WT1: variants seen among roughly 807,000 people sequenced by gnomAD.
WT1 encodes WT1 transcription factor.
WT1 carries 8 observed loss-of-function variants against 60.8 expected under a neutral mutation model. The ratio of observed to expected loss-of-function variants is 0.13; its 90% CI spans 0.08 to 0.24. The LOEUF (loss-of-function observed/expected upper bound fraction) is 0.24. WT1 is among the 10% of genes least tolerant of loss of function. The pLI is 1.00. For missense variants in WT1, 568 were observed against 711.8 expected (o/e 0.80, Z 2.30); for synonymous variants, 312 against 297.1 (o/e 1.05, Z -0.52).
intron 3 of WT1, among the ~76,000 whole-genome samples, chr11:32,418,586 A>T (rs886744892): frequency 6.6e-6 from 1 of 152,222 alleles, no homozygotes; most frequent in Admixed American, 6.5e-5. Flanking sequence ...ATGAAAAAAG[A>T]TAAGAGGCAT....
At chr11:32,412,592 C>T (rs1185945176) in intron 5 of WT1, among the ~76,000 whole-genome samples, 1 of 151,750 alleles carries the variant, frequency 6.6e-6, no homozygotes. Context: ...ATTGAGAACA[C>T]ACAGAAAATG....
chr11:32,429,144 A>G (rs1490314598), intron 1 of WT1: 2 of 250,110 alleles, frequency 8.0e-6, no homozygotes, highest in African/African-American at 4.4e-5. Context: ...AAGAGTAATT[A>G]CCGAGTAATG....
intron 6 of WT1, among the ~76,000 whole-genome samples, chr11:32,399,680 A>G (rs1852087078): frequency 6.6e-6 from 1 of 152,210 alleles, no homozygotes; most frequent in Non-Finnish European, 1.5e-5. Context: ...CGCCCTGGAG[A>G]AGTCAAATGG....
intron 5 of WT1, among the ~76,000 whole-genome samples, chr11:32,401,760 G>A (rs1317836742): frequency 7.2e-5 from 11 of 152,096 alleles, no homozygotes; most frequent in African/African-American, 1.9e-4. Flanking sequence ...GGCCAGTCTC[G>A]AACTCCTGGC....
chr11:32,430,927 AG>A, intron 1 of WT1: 1 of 999,136 alleles, frequency 1.0e-6, no homozygotes, highest in Non-Finnish European at 1.2e-6. Context: ...GTGCGGGGGC[AG>A]GGGCCAGGGG....
At chr11:32,417,464 G>C in intron 4 of WT1, 113 bp downstream of exon 4, 1 of 954,144 alleles carries the variant, frequency 1.0e-6, no homozygotes, top group Non-Finnish European at 1.7e-6. Flanking sequence ...GTCACAGAGA[G>C]CTTTGCCCTT....
At chr11:32,423,318 C>G (rs539476094) in intron 3 of WT1, among the ~76,000 whole-genome samples, 115 of 152,380 alleles carry the variant, frequency 7.5e-4, no homozygotes, top group African/African-American at 2.6e-3. Flanking sequence ...TTCACCCCAA[C>G]AGTTCACACC....
intron 1 of WT1, 200 bp from the exon 2 acceptor site, chr11:32,428,819 G>C (rs1044355135): frequency 6.6e-6 from 5 of 754,064 alleles, no homozygotes; most frequent in Admixed American, 2.2e-5. Context: ...CTTGGGACAG[G>C]CTTCTCCATC....
In WT1 at chr11:32,416,551, A is replaced by G; in HGVS notation, c.966-11T>C. 1 of 1,614,160 alleles carries G rather than the reference A, an allele frequency of 6.2e-7. No individual in the cohort carries two copies. Among genetic ancestry groups the G allele is most frequent in the Non-Finnish European group, 8.5e-7 (1 of 1,180,018 alleles). On this transcript the variant is annotated splice_polypyrimidine_tract_variant and intron_variant, in intron 4 of 9. Coordinates refer to ENST00000452863, the MANE Select transcript of WT1 (RefSeq NM_024426.6). ...CTCCCAGCAGCAACTCTAGAAAAGA[A>G]GAAGAGGTGGGGAGTGGGGAATGGA...
At chr11:32,429,453 T>C (rs927545552) in intron 1 of WT1, among the ~76,000 whole-genome samples, 1 of 111,382 alleles carries the variant, frequency 9.0e-6, no homozygotes, top group Admixed American at 9.5e-5. Context: ...CCTAGGGAAA[T>C]CCTAGCATTC....
At position 32,396,420 on chromosome 11, in the gene WT1, A is replaced by G. The variant is rs2132942587; in HGVS notation, c.1114-13T>C. ...CACGTCGCACATCCTGCAGGCAGAG[A>G]GTAAGAGGAAGGGAGGCTTTAAGCC... On this transcript the variant is annotated splice_polypyrimidine_tract_variant and intron_variant, in intron 6 of 9. Coordinates refer to ENST00000452863, the MANE Select transcript of WT1 (RefSeq NM_024426.6). The G allele has an allele frequency of 6.2e-7, 1 of 1,613,148 alleles. No homozygotes were observed. The highest frequency in any genetic ancestry group is 8.5e-7 in the Non-Finnish European group (1 of 1,180,024).
chr11:32,428,693 AC>A (rs1461945714), intron 1 of WT1, 74 bp from the exon 2 acceptor site: 29 of 1,534,458 alleles, frequency 1.9e-5, no homozygotes, highest in Non-Finnish European at 2.4e-5. Context: ...TGAACCAGCC[AC>A]GGGCGGGGGG....
intron 1 of WT1, among the ~76,000 whole-genome samples, chr11:32,431,159 G>A (rs1853295624): frequency 6.6e-6 from 1 of 152,202 alleles, no homozygotes; most frequent in Non-Finnish European, 1.5e-5. Flanking sequence ...GCCTGGCCGG[G>A]CCGTGAGAGC....
chr11:32,421,365 A>G (rs1852848562), intron 3 of WT1, among the ~76,000 whole-genome samples: 1 of 152,198 alleles, frequency 6.6e-6, no homozygotes. Context: ...TACAGCGACC[A>G]CTGTGGTCAC....
At chr11:32,424,739 G>A (rs1852969930) in intron 3 of WT1, among the ~76,000 whole-genome samples, 1 of 152,230 alleles carries the variant, frequency 6.6e-6, no homozygotes, top group East Asian at 1.9e-4. Context: ...TCACCTGAGA[G>A]AAAGGAGGGA....
intron 3 of WT1, among the ~76,000 whole-genome samples, chr11:32,421,317 C>A (rs761706135): frequency 2.0e-5 from 3 of 152,230 alleles, no homozygotes; most frequent in East Asian, 3.8e-4. Flanking sequence ...GCCACCACCT[C>A]ATTCCCAGAG....
intron 5 of WT1, among the ~76,000 whole-genome samples, chr11:32,409,296 G>GA (rs1200340448): frequency 6.6e-6 from 1 of 151,792 alleles, no homozygotes; most frequent in Non-Finnish European, 1.5e-5. Context: ...AAGCATGATC[G>GA]AAAAGTCAAA....
chr11:32,392,156 C>T (rs1334399453), intron 8 of WT1, 92 bp from the exon 9 acceptor site: 6 of 1,073,250 alleles, frequency 5.6e-6, no homozygotes, highest in Non-Finnish European at 7.3e-6. Flanking sequence ...AGGAGCCCAG[C>T]ATTTCCTGCC....
intron 5 of WT1, among the ~76,000 whole-genome samples, chr11:32,414,268 G>A (rs1852594624): frequency 6.6e-6 from 1 of 152,074 alleles, no homozygotes; most frequent in South Asian, 2.1e-4. Flanking sequence ...TATATATTGT[G>A]TTTGTTTGTT....
Sources: allele counts gnomAD v4.1 joint callset (sites outside exome capture counted in the v4.1 genomes callset), GRCh38; gene constraint gnomAD v4.1.1; transcripts MANE v1.5; gene names NCBI Gene and HGNC (gene_info 2026-07-23, HGNC 2026-07-21).